CFAP221: variants seen among roughly 807,000 people sequenced by gnomAD.
CFAP221 encodes the protein cilia- and flagella-associated protein 221.
A neutral mutation model predicts 113.1 loss-of-function variants in CFAP221; 97 were observed. The observed-to-expected ratio is 0.86, with a 90% CI of 0.73 to 1.02. CFAP221 has a LOEUF of 1.02. Ranked by LOEUF, CFAP221 falls within the 50% of genes least tolerant of loss-of-function variation. The pLI, the probability that CFAP221 is intolerant of heterozygous loss-of-function variation, is 0.00. For synonymous variants in CFAP221, 331 were observed against 354.4 expected (o/e 0.93, Z 0.74); for missense variants, 1,025 against 1,013.4 (o/e 1.01, Z -0.16).
At chr2:119,581,290 A>G (rs1682826749) in intron 6 of CFAP221, among the ~76,000 whole-genome samples, 1 of 152,230 alleles carries the variant, frequency 6.6e-6, no homozygotes, top group Admixed American at 6.5e-5. Flanking sequence ...AGGATTCTTA[A>G]TGAGATGATT....
intron 21 of CFAP221, among the ~76,000 whole-genome samples, chr2:119,640,549 C>T (rs1201786822): frequency 3.9e-5 from 6 of 152,188 alleles, no homozygotes; most frequent in Non-Finnish European, 7.4e-5. Context: ...CCCTTGAATT[C>T]GCTTCTTCAG....
chr2:119,604,762 G>T lies in CFAP221; in HGVS notation c.882G>T (p.Pro294=), dbSNP rs199787472. The T allele has an allele frequency of 1.9e-6, 3 of 1,541,986 alleles. No individual in the cohort carries two copies. Among genetic ancestry groups the T allele is most frequent in the African/African-American group, 1.4e-5 (1 of 71,800 alleles). Residue 294 remains proline (P), a synonymous_variant, in exon 9 of 24, where the codon CCG becomes CCT. Coordinates refer to ENST00000413369, the MANE Select transcript of CFAP221 (RefSeq NM_001271049.2). ...KAMMHINFHR[P]PAKPKPQKVK... The stretch of plus-strand genomic sequence containing the variant: ...TGATGCATATAAATTTTCACCGACC[G>T]CCAGCGAAGCCGAAGCCTCAGAAGG...
chr2:119,550,023 T>TA (rs1680310090), intron 3 of CFAP221, among the ~76,000 whole-genome samples: 1 of 152,198 alleles, frequency 6.6e-6, no homozygotes, highest in African/African-American at 2.4e-5. Context: ...CATGATCCCC[T>TA]AGTCATGCCT....
At chr2:119,632,247 G>A (rs1686822647) in intron 19 of CFAP221, among the ~76,000 whole-genome samples, 1 of 152,106 alleles carries the variant, frequency 6.6e-6, no homozygotes, top group South Asian at 2.1e-4. Flanking sequence ...GAACATAGAT[G>A]AAAATATTTT....
At chr2:119,586,764 A>C (rs577943686) in intron 6 of CFAP221, 1 of 165,376 alleles carries the variant, frequency 6.0e-6, no homozygotes, top group Non-Finnish European at 1.3e-5. Context: ...TAAACTTAAC[A>C]GTACTCGAGA....
intron 21 of CFAP221, among the ~76,000 whole-genome samples, chr2:119,644,088 G>A (rs1231944634): frequency 2.0e-5 from 3 of 152,086 alleles, no homozygotes; most frequent in African/African-American, 7.2e-5. Context: ...GGGAGGCAGA[G>A]CTTGCAGTGA....
At chr2:119,607,090 T>C (rs77219666) in intron 11 of CFAP221, among the ~76,000 whole-genome samples, 4,208 of 152,342 alleles carry the variant, frequency 0.028, 73 homozygotes, top group Non-Finnish European at 0.041. Context: ...ATCAGTCTTA[T>C]GGGCAAATTT....
At position 119,629,877 on chromosome 2, in the gene CFAP221, T is replaced by C; in HGVS notation, c.1653T>C (p.Ala551=). ...TTTTTTCTCCTTTCACATTTTAGGCTCCTGATGGCCTTGGACTGGTCCCAA... is the reference window on the plus strand; with the variant it reads ...TTTTTTCTCCTTTCACATTTTAGGCCCCTGATGGCCTTGGACTGGTCCCAA... The part of the protein sequence containing the change: ...CSPPQDSNEL[A]PDGLGLVPIK... The change falls in exon 17 of 24, where the codon GCT becomes GCC. Residue 551 remains alanine (A), a splice_region_variant and synonymous_variant. Coordinates refer to ENST00000413369, the MANE Select transcript of CFAP221 (RefSeq NM_001271049.2). The C allele has an allele frequency of 6.2e-7, 1 of 1,610,600 alleles. No individual in the cohort carries two copies. Among genetic ancestry groups the C allele is most frequent in the Non-Finnish European group, 8.5e-7 (1 of 1,177,562 alleles).
chr2:119,544,888 C>T (rs1209580003), intron 1 of CFAP221, among the ~76,000 whole-genome samples: 2 of 152,086 alleles, frequency 1.3e-5, no homozygotes, highest in Non-Finnish European at 2.9e-5. Flanking sequence ...CGCCTGGCTC[C>T]TGGGCCTGCC....
intron 21 of CFAP221, among the ~76,000 whole-genome samples, chr2:119,645,929 G>A (rs1032604481): frequency 4.6e-5 from 7 of 152,086 alleles, no homozygotes; most frequent in African/African-American, 1.4e-4. Flanking sequence ...TTGTGTGTTC[G>A]GTTTTTATTC....
chr2:119,639,129 C>A (rs1687317837), intron 20 of CFAP221, among the ~76,000 whole-genome samples: 1 of 152,174 alleles, frequency 6.6e-6, no homozygotes, highest in Non-Finnish European at 1.5e-5. Context: ...GTGCAGACCT[C>A]CCTCTAGTCT....
At chr2:119,612,195 C>T (rs182600397) in intron 13 of CFAP221, among the ~76,000 whole-genome samples, 6 of 152,286 alleles carry the variant, frequency 3.9e-5, no homozygotes, top group African/African-American at 1.4e-4. Context: ...TTACTGTTCT[C>T]AAATCTAAAA....
intron 22 of CFAP221, among the ~76,000 whole-genome samples, chr2:119,650,674 C>T (rs1688075621): frequency 6.6e-6 from 1 of 152,210 alleles, no homozygotes; most frequent in Admixed American, 6.5e-5. Flanking sequence ...TCATTTAATC[C>T]TTATGATGAG....
rs949216254 is a variant in CFAP221 at position 119,638,535 on chromosome 2, A to G, written c.2133+118A>G. The G allele has an allele frequency of 4.6e-6, 6 of 1,315,070 alleles. No individual in the cohort carries two copies. The African/African-American group carries it at 8.7e-5, about 19-fold the overall frequency. The allele number at this position is 1,315,070 out of a possible 1,614,324, so 81.5% of individuals were successfully genotyped here. On this transcript the variant is annotated intron_variant, in intron 20 of 23. Coordinates refer to ENST00000413369, the MANE Select transcript of CFAP221 (RefSeq NM_001271049.2). ...AGGTTTGCCGCCACAGCTGCAGAAC[A>G]AGAATGGTAACACCGCCCCTCATAC... is the stretch of plus-strand genomic sequence containing the variant.
chr2:119,547,970 T>C (rs1339213055), intron 2 of CFAP221, among the ~76,000 whole-genome samples: 1 of 152,070 alleles, frequency 6.6e-6, no homozygotes, highest in African/African-American at 2.4e-5. Flanking sequence ...TGTTTGTTTG[T>C]TTTTTGTTTT....
intron 7 of CFAP221, among the ~76,000 whole-genome samples, chr2:119,587,889 A>C (rs1435101428): frequency 6.6e-6 from 1 of 152,228 alleles, no homozygotes; most frequent in Non-Finnish European, 1.5e-5. Flanking sequence ...TGTCCAACAA[A>C]TGAGTGTTTA....
intron 6 of CFAP221, among the ~76,000 whole-genome samples, chr2:119,577,181 G>C (rs1682507217): frequency 6.7e-6 from 1 of 150,122 alleles, no homozygotes; most frequent in Non-Finnish European, 1.5e-5. Context: ...TCCTCACATG[G>C]GGTGGTGGGG....
chr2:119,589,274 C>G (rs1683426917), intron 7 of CFAP221, among the ~76,000 whole-genome samples: 1 of 152,188 alleles, frequency 6.6e-6, no homozygotes, highest in African/African-American at 2.4e-5. Flanking sequence ...TTTGAGGTTC[C>G]AGAATTCCAC....
At chr2:119,633,118 T>C (rs1686892565) in intron 19 of CFAP221, among the ~76,000 whole-genome samples, 2 of 151,982 alleles carry the variant, frequency 1.3e-5, no homozygotes, top group Admixed American at 1.3e-4. Context: ...GAAAAGATAA[T>C]CTTTCAACAA....
Sources: allele counts gnomAD v4.1 joint callset (sites outside exome capture counted in the v4.1 genomes callset), GRCh38; gene constraint gnomAD v4.1.1; transcripts MANE v1.5; gene names NCBI Gene and HGNC (gene_info 2026-07-23, HGNC 2026-07-21).